The following NXPE2 variants were observed in gnomAD, a reference collection of about 807,000 sequenced individuals.
NXPE2 encodes the protein neurexophilin and PC-esterase domain family member 2.
NXPE2 carries 34 observed loss-of-function variants against 34.4 expected under a neutral mutation model. That is an observed-to-expected ratio of 0.99 (90% CI 0.75 to 1.31). The LOEUF is 1.31. Ranked by LOEUF, NXPE2 falls within the 40% of genes most tolerant of loss-of-function variation. NXPE2 has a pLI of 0.00. For synonymous variants in NXPE2, 235 were observed against 231.3 expected (o/e 1.02, Z -0.15); for missense variants, 649 against 672.5 (o/e 0.97, Z 0.39).
the NXPE2 span, among the ~76,000 whole-genome samples, chr11:114,497,195 G>A: frequency 6.6e-6 from 1 of 152,078 alleles, no homozygotes; most frequent in Admixed American, 6.6e-5. Flanking sequence ...TCCTGACCCT[G>A]TGTAGGCCTA....
chr11:114,741,801 A>G, the NXPE2 span, among the ~76,000 whole-genome samples: 1 of 152,096 alleles, frequency 6.6e-6, no homozygotes, highest in South Asian at 2.1e-4. Context: ...TAGGCAATTG[A>G]TCATAATTTC....
the NXPE2 span, among the ~76,000 whole-genome samples, chr11:114,714,443 A>G: frequency 1.3e-5 from 2 of 152,232 alleles, no homozygotes; most frequent in African/African-American, 4.8e-5. Flanking sequence ...TATACAGGTG[A>G]TAAAAATCTA....
chr11:114,602,856 A>G, the NXPE2 span, among the ~76,000 whole-genome samples: 29 of 147,470 alleles, frequency 2.0e-4, no homozygotes, highest in African/African-American at 5.9e-4. Context: ...ATCACATATA[A>G]TTATCTCATA....
the NXPE2 span, among the ~76,000 whole-genome samples, chr11:114,755,214 C>T: frequency 1.3e-5 from 2 of 152,160 alleles, no homozygotes; most frequent in Non-Finnish European, 2.9e-5. Context: ...TGTTAGTAAG[C>T]TCCTGTGGAG....
chr11:114,655,593 A>G, the NXPE2 span, among the ~76,000 whole-genome samples: 1 of 152,138 alleles, frequency 6.6e-6, no homozygotes, highest in Non-Finnish European at 1.5e-5. Flanking sequence ...TCCTTTCCCC[A>G]TTGCTTGTTT....
intron 2 of NXPE2, among the ~76,000 whole-genome samples, chr11:114,692,959 C>G (rs1158949666): frequency 6.6e-6 from 1 of 152,142 alleles, no homozygotes; most frequent in African/African-American, 2.4e-5. Flanking sequence ...AGTCAGCCAT[C>G]TTGATCCCTC....
chr11:114,592,430 C>T, the NXPE2 span, among the ~76,000 whole-genome samples: 6,833 of 151,924 alleles, frequency 0.045, 491 homozygotes, highest in African/African-American at 0.15. Context: ...ACAGTAGCTA[C>T]AAAAACCCTA....
At chr11:114,796,540 C>T in the NXPE2 span, among the ~76,000 whole-genome samples, 1 of 152,140 alleles carries the variant, frequency 6.6e-6, no homozygotes, top group Non-Finnish European at 1.5e-5. Context: ...CTCTTGCAAC[C>T]CCCTTTCTGT....
At chr11:114,632,959 T>C in the NXPE2 span, among the ~76,000 whole-genome samples, 151 of 102,654 alleles carry the variant, frequency 1.5e-3, 1 homozygote, top group African/African-American at 5.8e-3. Context: ...ATATTTTATA[T>C]AATTATATAT....
At chr11:114,509,533 A>G in the NXPE2 span, among the ~76,000 whole-genome samples, 23 of 152,288 alleles carry the variant, frequency 1.5e-4, no homozygotes, top group Admixed American at 1.5e-3. Flanking sequence ...AATGCCCATC[A>G]GTGATAGACT....
At chr11:114,521,984 A>C in the NXPE2 span, 11 of 1,611,498 alleles carry the variant, frequency 6.8e-6, no homozygotes, top group Non-Finnish European at 7.6e-6. Flanking sequence ...AATGTAGTTT[A>C]AGAACATGTT....
At chr11:114,774,833 C>T in the NXPE2 span, among the ~76,000 whole-genome samples, 89 of 152,320 alleles carry the variant, frequency 5.8e-4, no homozygotes, top group African/African-American at 1.8e-3. Flanking sequence ...CCAAAGGGGG[C>T]GCTCTAACAT....
the NXPE2 span, among the ~76,000 whole-genome samples, chr11:114,532,711 CTGTG>C: frequency 1.3e-5 from 2 of 152,076 alleles, no homozygotes; most frequent in Non-Finnish European, 2.9e-5. Context: ...CTCTTTCTCT[CTGTG>C]TGTATGTGCA....
chr11:114,773,641 C>T, the NXPE2 span, among the ~76,000 whole-genome samples: 1 of 151,920 alleles, frequency 6.6e-6, no homozygotes, highest in Non-Finnish European at 1.5e-5. Flanking sequence ...TTTGACTAAA[C>T]ATTATTTCTG....
At chr11:114,717,918 G>A in the NXPE2 span, among the ~76,000 whole-genome samples, 1 of 152,186 alleles carries the variant, frequency 6.6e-6, no homozygotes, top group East Asian at 1.9e-4. Flanking sequence ...TACTAAGCAG[G>A]ACAAACTTGG....
chr11:114,805,450 G>C, the NXPE2 span, among the ~76,000 whole-genome samples: 1 of 152,212 alleles, frequency 6.6e-6, no homozygotes, highest in Non-Finnish European at 1.5e-5. Context: ...AAAGAAAGGG[G>C]TGACAGACAC....
chr11:114,530,559 G>A, the NXPE2 span: 1 of 1,613,982 alleles, frequency 6.2e-7, no homozygotes, highest in Non-Finnish European at 8.5e-7. Context: ...TGAAGCACCT[G>A]CCGTCAGTGC....
the NXPE2 span, among the ~76,000 whole-genome samples, chr11:114,786,612 T>A: frequency 6.6e-6 from 1 of 152,210 alleles, no homozygotes; most frequent in Non-Finnish European, 1.5e-5. Flanking sequence ...CTTCCATGAT[T>A]AGGAATTATT....
At chr11:114,787,144 A>G in the NXPE2 span, among the ~76,000 whole-genome samples, 5 of 152,108 alleles carry the variant, frequency 3.3e-5, no homozygotes, top group Non-Finnish European at 5.9e-5. Flanking sequence ...AAGTTTATCA[A>G]GTTGAGAGAG....
Sources: allele counts gnomAD v4.1 joint callset (sites outside exome capture counted in the v4.1 genomes callset), GRCh38; gene constraint gnomAD v4.1.1; transcripts MANE v1.5; gene names NCBI Gene and HGNC (gene_info 2026-07-23, HGNC 2026-07-21).